The following AFF3 variants were observed in gnomAD, a reference collection of about 807,000 sequenced individuals.
AFF3 encodes the protein AF4/FMR2 family member 3.
A neutral mutation model predicts 129.7 loss-of-function variants in AFF3; 32 were observed. That is an observed-to-expected ratio of 0.25 (90% CI 0.19 to 0.33). The LOEUF (loss-of-function observed/expected upper bound fraction) is 0.33. AFF3 is among the 10% of genes least tolerant of loss of function. The pLI is 1.00. For missense variants in AFF3, 1,373 were observed against 1,592.0 expected (o/e 0.86, Z 2.34); for synonymous variants, 644 against 635.4 (o/e 1.01, Z -0.20).
At chr2:100,110,322 G>A (rs1339103144) in intron 2 of AFF3, 1 of 152,226 alleles carries the variant, frequency 6.6e-6, no homozygotes, top group Non-Finnish European at 1.5e-5. Flanking sequence ...TCAAACAGGA[G>A]TGCTGTGCTA....
chr2:100,040,197 T>C (rs565005801), intron 4 of AFF3, among the ~76,000 whole-genome samples: 1 of 152,224 alleles, frequency 6.6e-6, no homozygotes, highest in African/African-American at 2.4e-5. Context: ...TATTAAGTAA[T>C]ATGACGATTA....
intron 7 of AFF3, among the ~76,000 whole-genome samples, chr2:99,878,651 A>G (rs1010027110): frequency 6.6e-5 from 10 of 152,218 alleles, no homozygotes; most frequent in Admixed American, 6.5e-5. Flanking sequence ...AGTAAATGGT[A>G]AATGTAAATG....
chr2:99,594,386 A>C, intron 14 of AFF3, 97 bp from the exon 15 acceptor site: 1 of 1,486,240 alleles, frequency 6.7e-7, no homozygotes, highest in South Asian at 1.4e-5. Context: ...TTCTCTAAGT[A>C]TATGAGCAGA....
At chr2:99,910,131 A>T (rs1220615272) in intron 7 of AFF3, among the ~76,000 whole-genome samples, 1 of 152,222 alleles carries the variant, frequency 6.6e-6, no homozygotes, top group African/African-American at 2.4e-5. Context: ...CATTACTACA[A>T]TGCTATCCCC....
intron 8 of AFF3, among the ~76,000 whole-genome samples, chr2:99,799,877 T>G (rs892257891): frequency 3.3e-5 from 5 of 152,108 alleles, no homozygotes; most frequent in African/African-American, 1.2e-4. Context: ...CAAATGGTAC[T>G]GGAATAACTG....
chr2:99,647,627 C>T (rs748701013), intron 13 of AFF3, among the ~76,000 whole-genome samples: 1 of 151,580 alleles, frequency 6.6e-6, no homozygotes, highest in South Asian at 2.1e-4. Flanking sequence ...GCACATGTGC[C>T]CCTGAACTTA....
intron 7 of AFF3, among the ~76,000 whole-genome samples, chr2:99,889,489 T>G (rs1363606547): frequency 6.6e-6 from 1 of 152,220 alleles, no homozygotes; most frequent in Non-Finnish European, 1.5e-5. Flanking sequence ...CAGATTTATA[T>G]GAAAGGAGTA....
intron 7 of AFF3, among the ~76,000 whole-genome samples, chr2:99,992,992 C>A (rs1355774303): frequency 6.6e-6 from 1 of 152,178 alleles, no homozygotes; most frequent in Non-Finnish European, 1.5e-5. Context: ...AGGATATGCC[C>A]TCCCCTTTCT....
chr2:99,614,611 C>T (rs1681236885), intron 13 of AFF3, among the ~76,000 whole-genome samples: 1 of 152,236 alleles, frequency 6.6e-6, no homozygotes, highest in Non-Finnish European at 1.5e-5. Context: ...ATCCCGTGCT[C>T]TCTTGCTTAG....
At chr2:99,685,458 G>A (rs990645639) in intron 11 of AFF3, among the ~76,000 whole-genome samples, 1 of 152,148 alleles carries the variant, frequency 6.6e-6, no homozygotes, top group Non-Finnish European at 1.5e-5. Flanking sequence ...CATATCCATT[G>A]CAGAAGAGGG....
intron 15 of AFF3, among the ~76,000 whole-genome samples, chr2:99,588,205 C>T (rs943417234): frequency 1.3e-5 from 2 of 152,052 alleles, no homozygotes; most frequent in Non-Finnish European, 2.9e-5. Context: ...TAGAGACAGT[C>T]TTGCTCTGTC....
chr2:99,882,075 G>GTC (rs144237739), intron 7 of AFF3, among the ~76,000 whole-genome samples: 2 of 149,110 alleles, frequency 1.3e-5, no homozygotes, highest in South Asian at 2.1e-4. Flanking sequence ...CTCTCTCTCT[G>GTC]TCTCTCTCTC....
intron 8 of AFF3, among the ~76,000 whole-genome samples, chr2:99,762,928 CA>C (rs1464125660): frequency 6.6e-6 from 1 of 152,256 alleles, no homozygotes; most frequent in Non-Finnish European, 1.5e-5. Flanking sequence ...GTTCTTCTCA[CA>C]CGTATTATTC....
chr2:100,052,682 G>A (rs1459341743), intron 4 of AFF3, among the ~76,000 whole-genome samples: 1 of 152,144 alleles, frequency 6.6e-6, no homozygotes, highest in Non-Finnish European at 1.5e-5. Flanking sequence ...TCAACTTGGT[G>A]GGTCCATTTG....
chr2:100,017,036 GTGA>G (rs764658928), intron 4 of AFF3, among the ~76,000 whole-genome samples: 72 of 151,936 alleles, frequency 4.7e-4, no homozygotes, highest in Admixed American at 9.8e-4. Context: ...GATGGTGGTG[GTGA>G]TGATGACGAT....
chr2:99,963,029 A>G (rs922751773), intron 7 of AFF3, among the ~76,000 whole-genome samples: 5 of 151,874 alleles, frequency 3.3e-5, no homozygotes, highest in Non-Finnish European at 7.4e-5. Context: ...CGAAGAAAAA[A>G]CCTTAAAAGC....
chr2:100,070,873 C>CT (rs11294819), intron 4 of AFF3, among the ~76,000 whole-genome samples: 1 of 151,896 alleles, frequency 6.6e-6, no homozygotes, highest in Admixed American at 6.6e-5. Context: ...TCACGAAAGC[C>CT]TTTTTTTGTA....
At chr2:99,782,247 C>A (rs1684470947) in intron 8 of AFF3, among the ~76,000 whole-genome samples, 1 of 152,160 alleles carries the variant, frequency 6.6e-6, no homozygotes, top group Non-Finnish European at 1.5e-5. Context: ...TAGACCCTAC[C>A]AAAAGCCCTT....
intron 7 of AFF3, among the ~76,000 whole-genome samples, chr2:99,904,354 G>A (rs1175693491): frequency 2.0e-5 from 3 of 151,820 alleles, no homozygotes; most frequent in African/African-American, 4.8e-5. Flanking sequence ...CATTTCTAAC[G>A]GTTGAATAGG....
Sources: allele counts gnomAD v4.1 joint callset (sites outside exome capture counted in the v4.1 genomes callset), GRCh38; gene constraint gnomAD v4.1.1; transcripts MANE v1.5; gene names NCBI Gene and HGNC (gene_info 2026-07-23, HGNC 2026-07-21).